The following SNX30 variants were observed in gnomAD, a reference collection of about 807,000 sequenced individuals.
SNX30 encodes the protein sorting nexin family member 30.
A neutral mutation model predicts 46.4 loss-of-function variants in SNX30; 24 were observed. The observed-to-expected ratio is 0.52, with a 90% CI of 0.37 to 0.73. SNX30 has a LOEUF of 0.73. Ranked by LOEUF, SNX30 falls within the 30% of genes least tolerant of loss-of-function variation. The pLI, the probability that SNX30 is intolerant of heterozygous loss-of-function variation, is 0.00. For missense variants in SNX30, 533 were observed against 555.7 expected, an observed-to-expected ratio of 0.96 and a Z score of 0.41; for synonymous variants, 189 against 211.5, an observed-to-expected ratio of 0.89 and a Z score of 0.92.
intron 1 of SNX30, among the ~76,000 whole-genome samples, chr9:112,791,035 T>G (rs1022779601): frequency 2.0e-5 from 3 of 152,204 alleles, no homozygotes; most frequent in African/African-American, 7.2e-5. Flanking sequence ...GTCCACTACA[T>G]TTTTTATTGT....
intron 3 of SNX30, among the ~76,000 whole-genome samples, chr9:112,828,131 G>A (rs993272389): frequency 6.6e-6 from 1 of 152,248 alleles, no homozygotes; most frequent in African/African-American, 2.4e-5. Flanking sequence ...ATATGGATAA[G>A]TCGCAGAAAG....
chr9:112,751,170 G>A lies in SNX30; in HGVS notation c.156+13G>A. 1 of 1,489,132 alleles carries A rather than the reference G, an allele frequency of 6.7e-7. No individual in the cohort carries two copies. The highest frequency in any genetic ancestry group is 1.4e-5 in the African/African-American group (1 of 70,094). 92.2% of individuals were successfully genotyped at this position (1,489,132 alleles called of 1,614,324 possible). A position where few individuals can be genotyped will look rare whatever the true frequency, so the allele number is the denominator to read the frequency against. On this transcript the variant is annotated intron_variant, in intron 1 of 8. Transcript: ENST00000374232. ...CTTCGGTGACAAGGTGGGGCGCCTG[G>A]GGCCGGGGAGTGGGAGGCTTATTTC...
chr9:112,826,667 A>T (rs923753528), intron 3 of SNX30, among the ~76,000 whole-genome samples: 1 of 152,172 alleles, frequency 6.6e-6, no homozygotes, highest in Non-Finnish European at 1.5e-5. Flanking sequence ...TGCCCAGTCA[A>T]TGGGCTTCTG....
chr9:112,860,256 C>T (rs999196234), intron 7 of SNX30, among the ~76,000 whole-genome samples: 1 of 152,208 alleles, frequency 6.6e-6, no homozygotes, highest in Non-Finnish European at 1.5e-5. Flanking sequence ...GACTGTTTAT[C>T]TTCTTTGGAG....
chr9:112,833,174 A>G (rs767229233), intron 4 of SNX30, among the ~76,000 whole-genome samples: 1 of 152,186 alleles, frequency 6.6e-6, no homozygotes, highest in Non-Finnish European at 1.5e-5. Flanking sequence ...CTGAAACTCT[A>G]TGCCCATTAA....
intron 1 of SNX30, among the ~76,000 whole-genome samples, chr9:112,758,978 GAGAA>G (rs1839398168): frequency 6.6e-6 from 1 of 152,042 alleles, no homozygotes; most frequent in Admixed American, 6.6e-5. Context: ...CACACACAGA[GAGAA>G]AGAGTAAAGG....
At chr9:112,834,882 A>ACACACACACACAC (rs56385707) in intron 4 of SNX30, among the ~76,000 whole-genome samples, 4 of 105,250 alleles carry the variant, frequency 3.8e-5, no homozygotes, top group African/African-American at 1.2e-4. Flanking sequence ...ACACACACAC[A>ACACACACACACAC]CCTACCTCAA....
downstream of SNX30, among the ~76,000 whole-genome samples, chr9:112,882,465 G>A (rs375252734): frequency 1.2e-4 from 19 of 152,310 alleles, no homozygotes; most frequent in South Asian, 2.1e-4. Flanking sequence ...TTCAGCAGGT[G>A]AGGACATGAC....
intron 1 of SNX30, among the ~76,000 whole-genome samples, chr9:112,752,529 T>G (rs1839294101): frequency 6.6e-6 from 1 of 152,076 alleles, no homozygotes. Context: ...TGCTTGAGCC[T>G]GGGAGTTCAA....
At chr9:112,820,370 G>T (rs1160732549) in intron 3 of SNX30, among the ~76,000 whole-genome samples, 2 of 152,164 alleles carry the variant, frequency 1.3e-5, no homozygotes, top group South Asian at 2.1e-4. Context: ...TAGTAGCTTT[G>T]CTAGGAGGTG....
chr9:112,852,826 G>A (rs1841051025), intron 7 of SNX30, among the ~76,000 whole-genome samples: 1 of 152,186 alleles, frequency 6.6e-6, no homozygotes, highest in African/African-American at 2.4e-5. Context: ...CAGGGAAATG[G>A]TTTGACATCA....
chr9:112,795,145 C>G (rs564190832), intron 1 of SNX30, among the ~76,000 whole-genome samples: 6 of 152,198 alleles, frequency 3.9e-5, no homozygotes, highest in African/African-American at 1.4e-4. Flanking sequence ...TAAGAGGATG[C>G]AAGAATACTT....
chr9:112,826,641 A>C (rs1840583513), intron 3 of SNX30, among the ~76,000 whole-genome samples: 1 of 152,132 alleles, frequency 6.6e-6, no homozygotes, highest in African/African-American at 2.4e-5. Flanking sequence ...GGGCTAAGGA[A>C]TGGAGGTGAG....
chr9:112,809,749 A>G (rs1840288878), intron 2 of SNX30, among the ~76,000 whole-genome samples: 2 of 152,098 alleles, frequency 1.3e-5, no homozygotes, highest in Non-Finnish European at 2.9e-5. Flanking sequence ...GTGATGCAGA[A>G]CCCAAGTGGG....
In SNX30 at chr9:112,822,285, C is replaced by T. The variant is rs188978412; in HGVS notation, c.459+4470C>T. Among the ~76,000 whole-genome samples, 36 of 152,284 alleles carry T rather than the reference C, an allele frequency of 2.4e-4. No individual in the cohort carries two copies. The East Asian group carries it at 5.4e-3, about 23-fold the overall frequency. On this transcript the variant is annotated intron_variant, in intron 3 of 8. Transcript: ENST00000374232. Reference sequence around the variant, plus strand: ...TGCTGGTTGTATATGTTTGTCATCTCATAACAGCAGTTCACTGTGTTTTTC... The same window carrying T: ...TGCTGGTTGTATATGTTTGTCATCTTATAACAGCAGTTCACTGTGTTTTTC...
At position 112,825,963 on chromosome 9, in the gene SNX30, C is replaced by T. The variant is rs553258654; in HGVS notation, c.460-4762C>T. Among the ~76,000 whole-genome samples the T allele has an allele frequency of 2.6e-5, 4 of 152,298 alleles. No homozygotes were observed. In the South Asian group the frequency reaches 8.3e-4, roughly 32 times the overall value. On this transcript the variant is annotated intron_variant, in intron 3 of 8. Coordinates refer to ENST00000374232, the MANE Select transcript of SNX30 (RefSeq NM_001012994.2). ...TTATGACAGGAGGAAATTCTGCTTG[C>T]AGAAGGATTCTCTCTAGGGTTCCTT... is the stretch of plus-strand genomic sequence containing the variant.
chr9:112,752,858 A>T (rs543662144), intron 1 of SNX30, among the ~76,000 whole-genome samples: 45 of 152,198 alleles, frequency 3.0e-4, no homozygotes, highest in Non-Finnish European at 4.7e-4. Context: ...GGCTGCAGTC[A>T]TCTGAAGGCT....
chr9:112,876,343 G>T (rs1217313743), downstream of SNX30, among the ~76,000 whole-genome samples: 1 of 152,086 alleles, frequency 6.6e-6, no homozygotes, highest in Non-Finnish European at 1.5e-5. Flanking sequence ...GGCTGGGCGT[G>T]GTGGCTCATT....
Position 112,873,721 on chromosome 9 carries a change from C to G in SNX30, c.*4878C>G, listed in dbSNP as rs1408913836. 2 of 151,690 alleles carry G rather than the reference C, an allele frequency of 1.3e-5. No homozygotes were observed. Among genetic ancestry groups the G allele is most frequent in the African/African-American group, 2.4e-5 (1 of 41,254 alleles). The allele number at this position is 151,690 out of a possible 1,614,324, so 9.4% of individuals were successfully genotyped here. On this transcript the variant is annotated 3_prime_UTR_variant, in exon 9 of 9. Transcript: ENST00000374232. Reference sequence around the variant, plus strand: ...GGATATAGTATCGGCATTGACAAATCACGTAGAAACAAAGAATGCTATAGA... The same window carrying G: ...GGATATAGTATCGGCATTGACAAATGACGTAGAAACAAAGAATGCTATAGA...
Sources: allele counts gnomAD v4.1 joint callset (sites outside exome capture counted in the v4.1 genomes callset), GRCh38; gene constraint gnomAD v4.1.1; transcripts MANE v1.5; gene names NCBI Gene and HGNC (gene_info 2026-07-23, HGNC 2026-07-21).